PRDM16: variants seen among roughly 807,000 people sequenced by gnomAD.
The protein encoded by PRDM16 is PR/SET domain 16.
A neutral mutation model predicts 110.6 loss-of-function variants in PRDM16; 23 were observed. The ratio of observed to expected loss-of-function variants is 0.21; its 90% CI spans 0.15 to 0.29. The LOEUF (loss-of-function observed/expected upper bound fraction) is 0.29, where lower values mean the gene tolerates loss of function less well. PRDM16 is among the 10% of genes least tolerant of loss of function. The pLI is 1.00. For missense variants in PRDM16, 1,615 were observed against 1,794.3 expected (o/e 0.90, Z 1.81); for synonymous variants, 799 against 781.8 (o/e 1.02, Z -0.37).
In PRDM16 at chr1:3,412,813, C is replaced by A. The variant is rs1434174237; in HGVS notation, c.2603+13C>A. On this transcript the variant is annotated intron_variant, in intron 9 of 16. Transcript: ENST00000270722. ...ACCCCATCTACAGGTATTCAGCACCCCAGCCTCACTGGCTCTCCCTGGGGC... is the reference window on the plus strand; with the variant it reads ...ACCCCATCTACAGGTATTCAGCACCACAGCCTCACTGGCTCTCCCTGGGGC... The A allele has an allele frequency of 6.9e-7, 1 of 1,441,974 alleles. No homozygotes were observed. The highest frequency in any genetic ancestry group is 9.1e-7 in the Non-Finnish European group (1 of 1,097,586). The allele number at this position is 1,441,974 out of a possible 1,614,324, so 89.3% of individuals were successfully genotyped here. A position where few individuals can be genotyped will look rare whatever the true frequency, so the allele number is the denominator to read the frequency against.
chr1:3,257,286 G>A (rs1029864107), intron 3 of PRDM16, among the ~76,000 whole-genome samples: 1 of 152,200 alleles, frequency 6.6e-6, no homozygotes, highest in Non-Finnish European at 1.5e-5. Flanking sequence ...TTCCAGGAAC[G>A]AGGTAGGATG....
chr1:3,435,169 G>A lies in PRDM16; in HGVS notation c.*1358G>A, dbSNP rs1638873524. 1 of 224,916 alleles carries A rather than the reference G, an allele frequency of 4.4e-6. No individual in the cohort carries two copies. The highest frequency in any genetic ancestry group is 8.9e-6 in the Non-Finnish European group (1 of 112,940). The allele number at this position is 224,916 out of a possible 1,614,324, so 13.9% of individuals were successfully genotyped here. A position where few individuals can be genotyped will look rare whatever the true frequency, so the allele number is the denominator to read the frequency against. On this transcript the variant is annotated 3_prime_UTR_variant, in exon 17 of 17. Coordinates refer to ENST00000270722, the MANE Select transcript of PRDM16 (RefSeq NM_022114.4). Reference sequence around the variant, plus strand: ...ATGGGCTTTAAATTATTCCCATAGGGGCCAATTTCAAATAATAATTTTTTT... The same window carrying A: ...ATGGGCTTTAAATTATTCCCATAGGAGCCAATTTCAAATAATAATTTTTTT...
At chr1:3,098,546 C>G (rs1002207065) in intron 1 of PRDM16, among the ~76,000 whole-genome samples, 1 of 152,174 alleles carries the variant, frequency 6.6e-6, no homozygotes, top group Non-Finnish European at 1.5e-5. Flanking sequence ...GGTGAAGGTC[C>G]GACCCAGAGC....
intron 3 of PRDM16, among the ~76,000 whole-genome samples, chr1:3,334,517 G>A (rs1352382098): frequency 1.3e-5 from 2 of 152,092 alleles, no homozygotes; most frequent in Non-Finnish European, 2.9e-5. Context: ...TGAGGTTCCT[G>A]GCTGGCCGCC....
intron 3 of PRDM16, among the ~76,000 whole-genome samples, chr1:3,346,533 A>G (rs1455779084): frequency 2.0e-5 from 3 of 151,698 alleles, no homozygotes; most frequent in South Asian, 2.1e-4. Context: ...CTCTCTGCTC[A>G]CCCTGCTGTC....
chr1:3,173,362 G>A (rs1313041656), intron 1 of PRDM16, among the ~76,000 whole-genome samples: 4 of 152,242 alleles, frequency 2.6e-5, no homozygotes, highest in Non-Finnish European at 4.4e-5. Context: ...CGATGGAGGC[G>A]GCGAGGAAAT....
At chr1:3,387,892 T>G (rs1432092167) in intron 4 of PRDM16, among the ~76,000 whole-genome samples, 1 of 152,258 alleles carries the variant, frequency 6.6e-6, no homozygotes, top group African/African-American at 2.4e-5. Flanking sequence ...CTTTTAGCAA[T>G]GCCTTTTGAA....
Position 3,360,260 on chromosome 1 carries a change from G to T in PRDM16, c.439-24892G>T, listed in dbSNP as rs376778543. 4.6e-5 allele frequency among the ~76,000 whole-genome samples: 7 copies of T among 152,330 alleles called. No homozygotes were observed. The East Asian group carries it at 1.4e-3, about 29-fold the overall frequency. On this transcript the variant is annotated intron_variant, in intron 3 of 16. Coordinates refer to ENST00000270722, the MANE Select transcript of PRDM16 (RefSeq NM_022114.4). The stretch of plus-strand genomic sequence containing the variant: ...GAGCGACCAGTCCCCTCTAGAAGCA[G>T]CGGAGTCTTCTGGAGCCTGTGCTGG...
In PRDM16 at chr1:3,335,186, G is replaced by T. The variant is rs1642119181; in HGVS notation, c.439-49966G>T. 5.9e-5 allele frequency among the ~76,000 whole-genome samples: 9 copies of T among 152,382 alleles called. No homozygotes were observed. The South Asian group carries it at 1.9e-3, about 32-fold the overall frequency. ...ATTCCAGCTGCCCTGCACAGCCCCA[G>T]CGTCCTGCTCTGAGGCCTGAGAGGA... On this transcript the variant is annotated intron_variant, in intron 3 of 16. Transcript: ENST00000270722.
intron 7 of PRDM16, 87 bp downstream of exon 7, chr1:3,404,973 G>T: frequency 3.4e-6 from 5 of 1,454,064 alleles, no homozygotes; most frequent in Non-Finnish European, 4.6e-6. Flanking sequence ...ACACCCCCTG[G>T]TCCAAATGTA....
intron 4 of PRDM16, among the ~76,000 whole-genome samples, chr1:3,391,807 T>G (rs1295591324): frequency 6.6e-6 from 1 of 152,166 alleles, no homozygotes; most frequent in Non-Finnish European, 1.5e-5. Flanking sequence ...AAGCCGGAAA[T>G]TGAGGCCGGC....
At chr1:3,394,421 A>T (rs1643351979) in intron 4 of PRDM16, 1 of 448,760 alleles carries the variant, frequency 2.2e-6, no homozygotes, top group Non-Finnish European at 4.5e-6. Flanking sequence ...CGGAGCCGAG[A>T]AGCAGGGAGT....
intron 3 of PRDM16, among the ~76,000 whole-genome samples, chr1:3,321,600 G>A (rs1488442340): frequency 6.8e-6 from 1 of 146,612 alleles, no homozygotes; most frequent in East Asian, 2.0e-4. Context: ...TTTCTGGGGG[G>A]TTGCACATGT....
intron 2 of PRDM16, among the ~76,000 whole-genome samples, chr1:3,216,681 A>G (rs1557535691): frequency 1.3e-5 from 2 of 152,368 alleles, no homozygotes; most frequent in East Asian, 3.9e-4. Context: ...GTCAGGAGCC[A>G]CACTGTCCGG....
intron 1 of PRDM16, among the ~76,000 whole-genome samples, chr1:3,140,179 G>A (rs939234660): frequency 6.6e-5 from 10 of 152,234 alleles, no homozygotes; most frequent in East Asian, 1.9e-4. Flanking sequence ...CTCCCCCGGC[G>A]GATGCAGCCC....
chr1:3,268,275 G>A (rs1640344526), intron 3 of PRDM16, among the ~76,000 whole-genome samples: 1 of 152,244 alleles, frequency 6.6e-6, no homozygotes, highest in Non-Finnish European at 1.5e-5. Context: ...AAGGAGAAGG[G>A]CAGAGTCTTT....
chr1:3,191,694 T>A (rs940805572), intron 2 of PRDM16, among the ~76,000 whole-genome samples: 2 of 151,978 alleles, frequency 1.3e-5, no homozygotes, highest in African/African-American at 4.8e-5. Flanking sequence ...GTGGGAGAAA[T>A]GAGAAATACA....
At position 3,157,422 on chromosome 1, in the gene PRDM16, T is replaced by TAAAAA. The variant is rs34858929; in HGVS notation, c.38-28687_38-28683dup. Among the ~76,000 whole-genome samples, 2,193 of 121,990 alleles carry TAAAAA rather than the reference T, an allele frequency of 0.018. 36 individuals carry two copies. The highest frequency in any genetic ancestry group is 0.027 in the African/African-American group (835 of 31,414). The allele number at this position is 121,990 out of a possible 152,430, so 80.0% of individuals were successfully genotyped here. On this transcript the variant is annotated intron_variant, in intron 1 of 16. Coordinates refer to ENST00000270722, the MANE Select transcript of PRDM16 (RefSeq NM_022114.4). The surrounding 1 kb of genome is among the most constrained non-coding windows in gnomAD (Gnocchi z 4.8). ...GCTCCCAGGCCTTTTGCGATCCCAT[T>TAAAAA]AAAAAAAAAAAAAAAAAAAACACCT...
chr1:3,183,281 T>C (rs1644231546), intron 1 of PRDM16, among the ~76,000 whole-genome samples: 1 of 152,188 alleles, frequency 6.6e-6, no homozygotes, highest in Non-Finnish European at 1.5e-5. Flanking sequence ...GGGGGCATCC[T>C]GGCCGGAGCT....
Sources: gnomAD v4.1 joint callset for allele counts (sites outside exome capture counted in the v4.1 genomes callset) on GRCh38, gnomAD v4.1.1 for gene constraint, Gnocchi (gnomAD v3.1) non-coding constraint, MANE v1.5 for transcripts, NCBI Gene and HGNC (gene_info 2026-07-23, HGNC 2026-07-21) for gene names.